The following REDIC1 variants were observed in gnomAD, a reference collection of about 807,000 sequenced individuals.
REDIC1 encodes the protein regulator of DNA class I crossover intermediates 1.
the REDIC1 span, among the ~76,000 whole-genome samples, chr12:39,713,042 CATGTGTATATACG>C: frequency 7.3e-6 from 1 of 136,584 alleles, no homozygotes. Flanking sequence ...TGTATATATA[CATGTGTATATACG>C]TGTATATGTG....
At chr12:39,679,861 C>T in the REDIC1 span, among the ~76,000 whole-genome samples, 23 of 152,170 alleles carry the variant, frequency 1.5e-4, no homozygotes, top group African/African-American at 3.4e-4. Context: ...AACTGATCTT[C>T]GACAAAGCAA....
the REDIC1 span, chr12:39,683,423 GA>G: frequency 6.3e-7 from 1 of 1,594,452 alleles, no homozygotes. Context: ...AGAAAAATTT[GA>G]AAATGATTAC....
chr12:39,864,675 C>A, the REDIC1 span: 1 of 1,532,042 alleles, frequency 6.5e-7, no homozygotes, highest in South Asian at 1.2e-5. Context: ...CAAGCTCCTA[C>A]TCATCTCTAC....
chr12:39,851,373 C>T, the REDIC1 span, among the ~76,000 whole-genome samples: 3 of 151,850 alleles, frequency 2.0e-5, no homozygotes, highest in African/African-American at 7.3e-5. Context: ...TGAAGAAAAA[C>T]AAAAGGAAGA....
the REDIC1 span, among the ~76,000 whole-genome samples, chr12:39,864,374 T>C: frequency 3.3e-5 from 5 of 152,246 alleles, no homozygotes; most frequent in East Asian, 5.8e-4. Context: ...TCAGAGGGCA[T>C]GTGCATCTTG....
At chr12:39,877,288 G>A in the REDIC1 span, among the ~76,000 whole-genome samples, 1 of 152,106 alleles carries the variant, frequency 6.6e-6, no homozygotes, top group Non-Finnish European at 1.5e-5. Context: ...GAGAGCAAAG[G>A]TATGTCTTAC....
chr12:39,897,043 T>C, the REDIC1 span, among the ~76,000 whole-genome samples: 1 of 152,182 alleles, frequency 6.6e-6, no homozygotes, highest in Admixed American at 6.5e-5. Flanking sequence ...TAACCCTTAG[T>C]TCAATGCTTA....
the REDIC1 span, among the ~76,000 whole-genome samples, chr12:39,818,288 G>A: frequency 4.0e-5 from 6 of 149,786 alleles, no homozygotes; most frequent in Non-Finnish European, 7.4e-5. Flanking sequence ...AAAAAAAAAT[G>A]AGTTGGGGGG....
At chr12:39,675,302 ACT>A in the REDIC1 span, among the ~76,000 whole-genome samples, 1 of 151,872 alleles carries the variant, frequency 6.6e-6, no homozygotes, top group African/African-American at 2.4e-5. Flanking sequence ...GACCTTTCTA[ACT>A]CTGCCCTTAC....
the REDIC1 span, among the ~76,000 whole-genome samples, chr12:39,732,461 G>A: frequency 1.3e-5 from 2 of 152,090 alleles, no homozygotes; most frequent in Non-Finnish European, 2.9e-5. Context: ...TATATTAGCA[G>A]CCATTGGTGT....
the REDIC1 span, among the ~76,000 whole-genome samples, chr12:39,814,217 G>A: frequency 6.6e-6 from 1 of 152,152 alleles, no homozygotes; most frequent in African/African-American, 2.4e-5. Context: ...GAGTTTTAAT[G>A]TCATTGCTTT....
the REDIC1 span, among the ~76,000 whole-genome samples, chr12:39,668,394 C>G: frequency 6.6e-6 from 1 of 152,000 alleles, no homozygotes; most frequent in Non-Finnish European, 1.5e-5. Flanking sequence ...GAATATTGGC[C>G]CCCACTCTCT....
the REDIC1 span, among the ~76,000 whole-genome samples, chr12:39,903,492 C>A: frequency 3.3e-5 from 5 of 152,008 alleles, no homozygotes; most frequent in Non-Finnish European, 7.4e-5. Context: ...CCATTCTAGG[C>A]CCTGTGTTTT....
the REDIC1 span, among the ~76,000 whole-genome samples, chr12:39,717,941 C>G: frequency 1.5e-4 from 22 of 151,682 alleles, no homozygotes; most frequent in African/African-American, 5.1e-4. Context: ...TTTTTCTAAC[C>G]TCCATATCTT....
the REDIC1 span, among the ~76,000 whole-genome samples, chr12:39,847,363 C>T: frequency 7.4e-4 from 113 of 152,192 alleles, 1 homozygote; most frequent in African/African-American, 2.5e-3. Context: ...TCCCTCCTCC[C>T]GACTGCTAGA....
chr12:39,865,865 A>G, the REDIC1 span, among the ~76,000 whole-genome samples: 1 of 152,200 alleles, frequency 6.6e-6, no homozygotes, highest in Non-Finnish European at 1.5e-5. Flanking sequence ...AACAGACACC[A>G]GGGATTACTT....
the REDIC1 span, among the ~76,000 whole-genome samples, chr12:39,712,957 GCATATA>G: frequency 8.0e-5 from 11 of 138,154 alleles, no homozygotes; most frequent in African/African-American, 2.7e-4. Flanking sequence ...ATACATATAT[GCATATA>G]CGTGTATATG....
At chr12:39,714,185 A>G in the REDIC1 span, among the ~76,000 whole-genome samples, 1 of 142,148 alleles carries the variant, frequency 7.0e-6, no homozygotes, top group African/African-American at 2.5e-5. Flanking sequence ...ATATACATGC[A>G]TATATGTATA....
chr12:39,876,927 T>C, the REDIC1 span, among the ~76,000 whole-genome samples: 1 of 152,198 alleles, frequency 6.6e-6, no homozygotes, highest in Non-Finnish European at 1.5e-5. Flanking sequence ...TGGAGTAGTT[T>C]ATTGACTGTA....
Sources: allele counts gnomAD v4.1 joint callset (sites outside exome capture counted in the v4.1 genomes callset), GRCh38; gene constraint gnomAD v4.1.1; transcripts MANE v1.5; gene names NCBI Gene and HGNC (gene_info 2026-07-23, HGNC 2026-07-21).